METTL25: variants seen among roughly 807,000 people sequenced by gnomAD.
METTL25 encodes probable methyltransferase-like protein 25.
In METTL25, 64 loss-of-function variants were observed where a neutral mutation model predicts 71.6. The ratio of observed to expected loss-of-function variants is 0.89; its 90% CI spans 0.73 to 1.10. The LOEUF (loss-of-function observed/expected upper bound fraction) is 1.10, where lower values mean the gene tolerates loss of function less well. Ranked by LOEUF, METTL25 falls within the 50% of genes least tolerant of loss-of-function variation. METTL25 has a pLI of 0.00. For synonymous variants in METTL25, 287 were observed against 250.3 expected (o/e 1.15, Z -1.38); for missense variants, 807 against 707.0 (o/e 1.14, Z -1.60).
chr12:82,381,328 T>C (rs1884423526), intron 1 of METTL25, among the ~76,000 whole-genome samples: 1 of 152,214 alleles, frequency 6.6e-6, no homozygotes, highest in Non-Finnish European at 1.5e-5. Context: ...ATAAGTAATG[T>C]AGTTAAGTGT....
In METTL25 at chr12:82,361,418, C is replaced by T. The variant is rs1592568728; in HGVS notation, c.259+2594C>T. On this transcript the variant is annotated intron_variant, in intron 1 of 11. Transcript: ENST00000248306. ...ACCAGTCCCATGCCGTGCGCCCGCA[C>T]TCCTCAGCCCTTGGGCGGTCGATGG... Among the ~76,000 whole-genome samples, 3 of 152,360 alleles carry T rather than the reference C, an allele frequency of 2.0e-5. No homozygotes were observed. The South Asian group carries it at 6.2e-4, about 32-fold the overall frequency.
intron 9 of METTL25, among the ~76,000 whole-genome samples, chr12:82,469,520 A>C (rs550298842): frequency 1.3e-5 from 2 of 152,076 alleles, no homozygotes; most frequent in South Asian, 4.2e-4. Context: ...TATCATGAAA[A>C]TAGCATGGGG....
At chr12:82,462,469 G>A (rs896696656) in intron 9 of METTL25, among the ~76,000 whole-genome samples, 1 of 151,890 alleles carries the variant, frequency 6.6e-6, no homozygotes, top group African/African-American at 2.4e-5. Context: ...CGTATTTAAT[G>A]TTCTGATCCT....
At chr12:82,415,563 G>T (rs75693077) in intron 5 of METTL25, among the ~76,000 whole-genome samples, 5,278 of 152,174 alleles carry the variant, frequency 0.035, 105 homozygotes, top group Middle Eastern at 0.078. Context: ...AGCCAGTGGT[G>T]TACATTCCTG....
intron 5 of METTL25, among the ~76,000 whole-genome samples, chr12:82,428,884 T>C (rs1889253077): frequency 6.6e-6 from 1 of 151,872 alleles, no homozygotes; most frequent in South Asian, 2.1e-4. Flanking sequence ...GTCTCAATGT[T>C]AAGTGCTGTG....
chr12:82,389,901 T>C lies in METTL25; in HGVS notation c.510T>C (p.Ala170=), dbSNP rs781060214. 17 of 1,572,570 alleles carry C rather than the reference T, an allele frequency of 1.1e-5. No individual in the cohort carries two copies. Among genetic ancestry groups the C allele is most frequent in the Non-Finnish European group, 1.2e-5 (14 of 1,145,152 alleles). Residue 170 remains alanine, a synonymous_variant, in exon 3 of 12, where the codon GCT becomes GCC. Transcript: ENST00000248306. The part of the protein sequence containing the change: ...QAMSELISSI[A]DYYGIKQVID... ...TGTCAGAGCTGATCAGCAGTATTGCTGACTACTATGGAATAAAGCAGGTAA... is the reference window on the plus strand; with the variant it reads ...TGTCAGAGCTGATCAGCAGTATTGCCGACTACTATGGAATAAAGCAGGTAA...
intron 5 of METTL25, among the ~76,000 whole-genome samples, chr12:82,424,079 A>G (rs552183472): frequency 4.7e-4 from 71 of 152,312 alleles, no homozygotes; most frequent in African/African-American, 1.6e-3. Context: ...ATAAAGACAC[A>G]TGCACACATA....
intron 1 of METTL25, among the ~76,000 whole-genome samples, chr12:82,385,307 T>C (rs1329241366): frequency 1.3e-5 from 2 of 152,158 alleles, no homozygotes; most frequent in Non-Finnish European, 2.9e-5. Context: ...AACATCACTA[T>C]TTTTTGTGTT....
At chr12:82,440,179 T>G (rs1890213722) in intron 8 of METTL25, among the ~76,000 whole-genome samples, 2 of 152,088 alleles carry the variant, frequency 1.3e-5, no homozygotes, top group South Asian at 4.1e-4. Flanking sequence ...TTCTATCCCC[T>G]AGTTATATCT....
rs561779287 is a variant in METTL25, at chr12:82,404,416, A to G, written c.1279+1286A>G. On this transcript the variant is annotated intron_variant, in intron 5 of 11. Coordinates refer to ENST00000248306, the MANE Select transcript of METTL25 (RefSeq NM_032230.3). ...TATACCCACATATTTACATTATATT[A>G]TAGTATTTTTATGTATCTTTTCTGA... Among the ~76,000 whole-genome samples, 3 of 152,302 alleles carry G rather than the reference A, an allele frequency of 2.0e-5. No individual in the cohort carries two copies. In the South Asian group the frequency reaches 6.2e-4, roughly 32 times the overall value.
chr12:82,374,791 A>G lies in METTL25; in HGVS notation c.260-12012A>G, dbSNP rs115031503. Among the ~76,000 whole-genome samples, 1,238 of 152,342 alleles carry G rather than the reference A, an allele frequency of 8.1e-3. 21 individuals are homozygous for G. Among genetic ancestry groups the G allele is most frequent in the African/African-American group, 0.029 (1,195 of 41,572 alleles). On this transcript the variant is annotated intron_variant, in intron 1 of 11. Transcript: ENST00000248306. ...GGAGCAAAGTATTAATATATTTTTA[A>G]GTAGCTAAAAATAATGTCAGAAAAA... is the stretch of plus-strand genomic sequence containing the variant.
chr12:82,375,328 A>G (rs1883720780), intron 1 of METTL25, among the ~76,000 whole-genome samples: 1 of 152,162 alleles, frequency 6.6e-6, no homozygotes, highest in South Asian at 2.1e-4. Context: ...CCCCTGCTGC[A>G]TGTGAAGATG....
intron 1 of METTL25, 82 bp downstream of exon 1, chr12:82,358,906 A>G (rs772666255): frequency 3.4e-4 from 520 of 1,509,676 alleles, no homozygotes; most frequent in Non-Finnish European, 4.5e-4. Context: ...GGTGGAAGCC[A>G]GCAGAACCAG....
intron 1 of METTL25, among the ~76,000 whole-genome samples, chr12:82,361,621 G>A (rs1478191020): frequency 1.3e-5 from 2 of 152,226 alleles, no homozygotes. Flanking sequence ...GGCCGGCACT[G>A]CTGGGGGACT....
chr12:82,385,089 A>G (rs961036552), intron 1 of METTL25, among the ~76,000 whole-genome samples: 3 of 152,162 alleles, frequency 2.0e-5, no homozygotes, highest in Non-Finnish European at 4.4e-5. Context: ...TATATCTTAA[A>G]TTAATTTACT....
chr12:82,399,207 T>C lies in METTL25; in HGVS notation c.944T>C (p.Ile315Thr). 6.2e-7 allele frequency: 1 copy of C among 1,613,372 alleles called. No homozygotes were observed. Residue 315 changes from isoleucine (I) to threonine (T), a missense_variant, in exon 4 of 12, where the codon ATA becomes ACA. By Grantham distance (89) the Ile-to-Thr change is moderately conservative (BLOSUM62 -1). Transcript: ENST00000248306. Reference protein sequence around the residue: ...NLCFENSFSLINLLPINAVEP... With the variant: ...NLCFENSFSLTNLLPINAVEP... ...TGTTTTGAAAATTCCTTTTCTCTTA[T>C]AAACCTTTTGCCTATTAATGCTGTA...
chr12:82,438,721 C>G lies in METTL25; in HGVS notation c.1408C>G (p.Pro470Ala). 1 of 1,464,820 alleles carries G rather than the reference C, an allele frequency of 6.8e-7. No homozygotes were observed. The highest frequency in any genetic ancestry group is 9.1e-7 in the Non-Finnish European group (1 of 1,101,180). 90.7% of individuals were successfully genotyped at this position (1,464,820 alleles called of 1,614,324 possible). A position where few individuals can be genotyped will look rare whatever the true frequency, so the allele number is the denominator to read the frequency against. ...TATATGTCTACATTTTTTTCAGCTGCCTACTGAATCACTCTTCTATCGTGC... is the reference window on the plus strand; with the variant it reads ...TATATGTCTACATTTTTTTCAGCTGGCTACTGAATCACTCTTCTATCGTGC... ...LERVAAGQGL[P>A]TESLFYRAVL... Residue 470 changes from proline (P) to alanine (A), a missense_variant, in exon 8 of 12, where the codon CCT becomes GCT. Pro to Ala is a conservative substitution (Grantham distance 27). Coordinates refer to ENST00000248306, the MANE Select transcript of METTL25 (RefSeq NM_032230.3).
chr12:82,469,222 A>G (rs950489992), intron 9 of METTL25, among the ~76,000 whole-genome samples: 1 of 152,138 alleles, frequency 6.6e-6, no homozygotes, highest in Non-Finnish European at 1.5e-5. Flanking sequence ...GTATTTCTAC[A>G]TCATCTGCAA....
intron 6 of METTL25, 132 bp from the exon 7 acceptor site, chr12:82,434,563 A>G (rs1422691037): frequency 4.3e-6 from 3 of 695,814 alleles, no homozygotes; most frequent in African/African-American, 3.6e-5. Flanking sequence ...AACACTGTTA[A>G]GTGCATAAAC....
Sources: gnomAD v4.1 joint callset for allele counts (sites outside exome capture counted in the v4.1 genomes callset) on GRCh38, gnomAD v4.1.1 for gene constraint, MANE v1.5 for transcripts, NCBI Gene and HGNC (gene_info 2026-07-23, HGNC 2026-07-21) for gene names.